KIAA1549: variants seen among roughly 807,000 people sequenced by gnomAD.
The protein encoded by KIAA1549 is KIAA1549.
In KIAA1549, 70 loss-of-function variants were observed where a neutral mutation model predicts 156.4. The ratio of observed to expected loss-of-function variants is 0.45; its 90% confidence interval spans 0.37 to 0.55. KIAA1549 has a LOEUF of 0.55. Among genes scored for constraint, KIAA1549 ranks in the 20% least tolerant of loss-of-function variants. The probability of loss-of-function intolerance (pLI) is 0.00; values close to 1 mark genes in which losing one functional copy is unlikely to be tolerated. For synonymous variants in KIAA1549, 1,103 were observed against 1,066.4 expected, an observed-to-expected ratio of 1.03 and a Z score of -0.67; for missense variants, 2,428 against 2,540.9, an observed-to-expected ratio of 0.96 and a Z score of 0.96.
At chr7:138,937,055 C>T (rs762089769) in intron 1 of KIAA1549, among the ~76,000 whole-genome samples, 5 of 152,176 alleles carry the variant, frequency 3.3e-5, no homozygotes, top group Non-Finnish European at 7.3e-5. Context: ...TAAAAGCCTT[C>T]AGAAAGCCAA....
intron 1 of KIAA1549, among the ~76,000 whole-genome samples, chr7:138,970,080 T>C (rs1164739365): frequency 6.6e-6 from 1 of 152,240 alleles, no homozygotes; most frequent in Non-Finnish European, 1.5e-5. Flanking sequence ...TTAACTCTTT[T>C]CCTTTTTTAA....
At chr7:138,864,737 TA>T (rs1810683932) in intron 15 of KIAA1549, among the ~76,000 whole-genome samples, 1 of 152,194 alleles carries the variant, frequency 6.6e-6, no homozygotes, top group Middle Eastern at 3.2e-3. Flanking sequence ...CGGTCATTAT[TA>T]ATAGAACACC....
intron 12 of KIAA1549, among the ~76,000 whole-genome samples, chr7:138,871,678 G>C (rs558263553): frequency 1.3e-5 from 2 of 152,372 alleles, no homozygotes; most frequent in Admixed American, 1.3e-4. Flanking sequence ...ATATAGGACA[G>C]AAGGAGCCTG....
At chr7:138,868,315 T>C (rs1426465053) in intron 14 of KIAA1549, among the ~76,000 whole-genome samples, 187 bp from the exon 15 acceptor site, 1 of 152,174 alleles carries the variant, frequency 6.6e-6, no homozygotes, top group Non-Finnish European at 1.5e-5. Flanking sequence ...AACAGACCTA[T>C]TAACCCACAT....
In KIAA1549 at chr7:138,832,190, C is replaced by CTTTTTTTTTTTTTT. The variant is rs1563039449; in HGVS notation, c.*5715_*5716insAAAAAAAAAAAAAA. 1.8e-3 allele frequency: 304 copies of CTTTTTTTTTTTTTT among 169,820 alleles called. 14 individuals are homozygous for CTTTTTTTTTTTTTT. The highest frequency in any genetic ancestry group is 2.2e-3 in the Non-Finnish European group (203 of 90,344). 10.5% of individuals were successfully genotyped at this position (169,820 alleles called of 1,614,324 possible). A position where few individuals can be genotyped will look rare whatever the true frequency, so the allele number is the denominator to read the frequency against. On this transcript the variant is annotated 3_prime_UTR_variant, in exon 20 of 20. Transcript: ENST00000422774. ...TTCACCTCTGTCCCTTTTACCTATT[C>CTTTTTTTTTTTTTT]CTTTTTTTTTTTTTTTTTTTTCCAG...
chr7:138,845,792 T>G (rs2130337698), intron 17 of KIAA1549, among the ~76,000 whole-genome samples: 1 of 152,332 alleles, frequency 6.6e-6, no homozygotes. Context: ...AATTCAAATT[T>G]TCACTTGAAA....
chr7:138,956,980 CAG>C (rs576624377), intron 1 of KIAA1549, among the ~76,000 whole-genome samples: 2 of 152,114 alleles, frequency 1.3e-5, no homozygotes, highest in Non-Finnish European at 2.9e-5. Context: ...ACACAGTGGT[CAG>C]AGTTATAATA....
rs555090582 is a variant in KIAA1549, at chr7:138,934,616, G to A, written c.188-15178C>T. 5.9e-5 allele frequency among the ~76,000 whole-genome samples: 9 copies of A among 152,188 alleles called. No individual in the cohort carries two copies. In the South Asian group the frequency reaches 6.2e-4, roughly 11 times the overall value. ...CTTGCAGGCCTCGGGCCGCATCCCC[G>A]CCCACCTGGAGGAGCCATTTCACAT... On this transcript the variant is annotated intron_variant, in intron 1 of 19. Coordinates refer to ENST00000422774, the MANE Select transcript of KIAA1549 (RefSeq NM_001164665.2).
At chr7:138,879,001 C>T (rs1273502965) in intron 12 of KIAA1549, among the ~76,000 whole-genome samples, 1 of 146,578 alleles carries the variant, frequency 6.8e-6, no homozygotes, top group African/African-American at 2.8e-5. Context: ...CAGTCATACC[C>T]TTTAGAACAG....
intron 1 of KIAA1549, among the ~76,000 whole-genome samples, chr7:138,935,540 A>G (rs1584768486): frequency 6.6e-6 from 1 of 152,310 alleles, no homozygotes; most frequent in East Asian, 1.9e-4. Context: ...ACAGTCCTGT[A>G]ACAACAGGGA....
Position 138,833,043 on chromosome 7 carries a change from GCT to G in KIAA1549, c.*4861_*4862del, listed in dbSNP as rs1167141534. 4.3e-6 allele frequency: 1 copy of G among 231,782 alleles called. No homozygotes were observed. Among genetic ancestry groups the G allele is most frequent in the African/African-American group, 2.2e-5 (1 of 45,246 alleles). The allele number at this position is 231,782 out of a possible 1,614,324, so 14.4% of individuals were successfully genotyped here. A position where few individuals can be genotyped will look rare whatever the true frequency, so the allele number is the denominator to read the frequency against. ...ATAGAAATGTGTTTTGTGTTCACAT[GCT>G]CTGTCTGCCGGTACAGAAGTGGACT... On this transcript the variant is annotated 3_prime_UTR_variant, in exon 20 of 20. Coordinates refer to ENST00000422774, the MANE Select transcript of KIAA1549 (RefSeq NM_001164665.2).
At chr7:138,948,321 G>C (rs1430422011) in intron 1 of KIAA1549, among the ~76,000 whole-genome samples, 1 of 152,160 alleles carries the variant, frequency 6.6e-6, no homozygotes, top group Non-Finnish European at 1.5e-5. Flanking sequence ...GAACACACAG[G>C]ACGAAGACAG....
intron 16 of KIAA1549, among the ~76,000 whole-genome samples, chr7:138,859,008 A>AACACACACACACACAC (rs57352970): frequency 2.1e-5 from 3 of 142,260 alleles, no homozygotes; most frequent in South Asian, 2.4e-4. Flanking sequence ...TCCATCTCAA[A>AACACACACACACACAC]ACACACACAC....
At chr7:138,894,970 G>A (rs1043290157) in intron 9 of KIAA1549, among the ~76,000 whole-genome samples, 4 of 152,146 alleles carry the variant, frequency 2.6e-5, no homozygotes, top group African/African-American at 9.7e-5. Context: ...AGTACCGCAG[G>A]ACTCACACCC....
At chr7:138,952,670 C>T (rs1175998566) in intron 1 of KIAA1549, among the ~76,000 whole-genome samples, 1 of 152,206 alleles carries the variant, frequency 6.6e-6, no homozygotes, top group African/African-American at 2.4e-5. Flanking sequence ...ATACTCAAGT[C>T]TAAAAATGTA....
intron 10 of KIAA1549, among the ~76,000 whole-genome samples, chr7:138,885,808 A>G (rs77041326): frequency 0.051 from 7,755 of 152,236 alleles, 656 homozygotes; most frequent in African/African-American, 0.18. Context: ...AAATTAATCA[A>G]ACCCAAAAAG....
chr7:138,877,689 T>C (rs968294229), intron 12 of KIAA1549, among the ~76,000 whole-genome samples: 1 of 152,214 alleles, frequency 6.6e-6, no homozygotes, highest in Non-Finnish European at 1.5e-5. Context: ...ACTATCTTTC[T>C]ACAACATGAA....
In KIAA1549 at chr7:138,840,222, GC is replaced by G; in HGVS notation, c.5508del (p.Gln1836HisfsTer139). ...QVGIASRIGA[Q>X]PVEIPPSRGS... ...CCTCTGCTTGGCGGGATTTCCACTG[GC>G]TGAGCTCCAATTCTGCTGGCAATCC... is the stretch of plus-strand genomic sequence containing the variant. On this transcript the variant is annotated frameshift_variant, in exon 19 of 20. Coordinates refer to ENST00000422774, the MANE Select transcript of KIAA1549 (RefSeq NM_001164665.2). LOFTEE classifies it high-confidence loss of function. The G allele has an allele frequency of 6.3e-7, 1 of 1,584,146 alleles. No individual in the cohort carries two copies. The highest frequency in any genetic ancestry group is 1.8e-5 in the Admixed American group (1 of 55,088).
chr7:138,886,107 TCA>T (rs1584730802), intron 10 of KIAA1549, among the ~76,000 whole-genome samples: 1 of 151,866 alleles, frequency 6.6e-6, no homozygotes, highest in Non-Finnish European at 1.5e-5. Context: ...GTTTTTCCAC[TCA>T]CACACACACC....
Sources: gnomAD v4.1 joint callset for allele counts (sites outside exome capture counted in the v4.1 genomes callset) on GRCh38, gnomAD v4.1.1 for gene constraint, MANE v1.5 for transcripts, NCBI Gene and HGNC (gene_info 2026-07-23, HGNC 2026-07-21) for gene names.